PGM2: variants seen among roughly 807,000 people sequenced by gnomAD.
PGM2 encodes phosphoglucomutase 2, also known as phosphopentomutase.
PGM2 carries 57 observed loss-of-function variants against 74.6 expected under a neutral mutation model. The observed-to-expected ratio is 0.76, with a 90% CI of 0.62 to 0.95. PGM2 has a LOEUF of 0.95. Among genes scored for constraint, PGM2 ranks in the 40% least tolerant of loss-of-function variants. The pLI is 0.00. For synonymous variants in PGM2, 273 were observed against 260.7 expected, an observed-to-expected ratio of 1.05 and a Z score of -0.46; for missense variants, 706 against 741.9, an observed-to-expected ratio of 0.95 and a Z score of 0.56.
intron 6 of PGM2, among the ~76,000 whole-genome samples, chr4:37,843,402 C>G (rs1250783361): frequency 6.6e-6 from 1 of 152,100 alleles, no homozygotes; most frequent in African/African-American, 2.4e-5. Context: ...AGACCTTGTT[C>G]ATTTATTCAT....
chr4:37,861,382 CTT>C, intron 13 of PGM2, 126 bp from the exon 14 acceptor site: 1 of 622,008 alleles, frequency 1.6e-6, no homozygotes. Context: ...CTGGAGTTCT[CTT>C]TTTTTTCCTA....
intron 13 of PGM2, among the ~76,000 whole-genome samples, chr4:37,858,468 C>G (rs1279426841): frequency 6.6e-6 from 1 of 150,752 alleles, no homozygotes; most frequent in African/African-American, 2.4e-5. Context: ...TCCTGAGTAG[C>G]TGAGATTACA....
At chr4:37,848,203 A>G (rs1353203979) in intron 10 of PGM2, among the ~76,000 whole-genome samples, 2 of 152,222 alleles carry the variant, frequency 1.3e-5, no homozygotes, top group Non-Finnish European at 2.9e-5. Flanking sequence ...AACAAATACT[A>G]TTGGGATTCA....
At chr4:37,856,181 T>A (rs10023025) in intron 13 of PGM2, among the ~76,000 whole-genome samples, 1 of 151,280 alleles carries the variant, frequency 6.6e-6, no homozygotes, top group Non-Finnish European at 1.5e-5. Context: ...GTCAGGAGAT[T>A]GAGACCATCC....
chr4:37,856,942 T>C (rs1409590204), intron 13 of PGM2, among the ~76,000 whole-genome samples: 1 of 152,184 alleles, frequency 6.6e-6, no homozygotes, highest in African/African-American at 2.4e-5. Flanking sequence ...TGTTTTACAT[T>C]CTTTTTTTTT....
chr4:37,833,291 C>G (rs945929684), intron 2 of PGM2, among the ~76,000 whole-genome samples: 8 of 152,222 alleles, frequency 5.3e-5, no homozygotes, highest in Admixed American at 1.3e-4. Flanking sequence ...CATGGTGGCT[C>G]ATGCCTGTAA....
Position 37,862,412 on chromosome 4 carries a change from A to G in PGM2, c.*800A>G, listed in dbSNP as rs1240993297. ...TCCTGGTTTGGAGGCAGCAAGACCTATGAGCAAGAACTATTTACTTGACCC... is the reference window on the plus strand; with the variant it reads ...TCCTGGTTTGGAGGCAGCAAGACCTGTGAGCAAGAACTATTTACTTGACCC... On this transcript the variant is annotated 3_prime_UTR_variant, in exon 14 of 14. Transcript: ENST00000381967. The G allele has an allele frequency of 2.0e-5, 3 of 152,142 alleles. No individual in the cohort carries two copies. The highest frequency in any genetic ancestry group is 4.8e-5 in the African/African-American group (2 of 41,452). The allele number at this position is 152,142 out of a possible 1,614,324, so 9.4% of individuals were successfully genotyped here.
rs138148768 is a variant in PGM2 at position 37,848,568 on chromosome 4, C to T, written c.1329C>T (p.Ala443=). The change falls in exon 11 of 14, where the codon GCC becomes GCT. Residue 443 remains alanine (A), a synonymous_variant. Coordinates refer to ENST00000381967, the MANE Select transcript of PGM2 (RefSeq NM_018290.4). ...PFVLDKDGVS[A]AVISAELASF... ...TTCTGGACAAAGATGGAGTCAGTGCCGCTGTCATAAGTGCAGAGTTGGCTA... is the reference window on the plus strand; with the variant it reads ...TTCTGGACAAAGATGGAGTCAGTGCTGCTGTCATAAGTGCAGAGTTGGCTA... 10 of 1,613,264 alleles carry T rather than the reference C, an allele frequency of 6.2e-6. No individual in the cohort carries two copies. The highest frequency in any genetic ancestry group is 5.0e-5 in the Admixed American group (3 of 59,996).
intron 4 of PGM2, among the ~76,000 whole-genome samples, chr4:37,839,264 G>A (rs185008885): frequency 3.3e-4 from 50 of 151,750 alleles, no homozygotes; most frequent in South Asian, 8.4e-4. Context: ...GATTACAGGC[G>A]CCCATGCCTG....
Position 37,830,069 on chromosome 4 carries a change from C to G in PGM2, c.187C>G (p.Arg63Gly). The stretch of plus-strand genomic sequence containing the variant: ...AATGGAGTTTGGGACAGCTGGCCTC[C>G]GAGCTGCTATGGGACCTGGAATTTC... ...ARMEFGTAGL[R>G]AAMGPGISRM... Residue 63 changes from arginine (R) to glycine (G), a missense_variant, in exon 2 of 14, where the codon CGA becomes GGA. Coordinates refer to ENST00000381967, the MANE Select transcript of PGM2 (RefSeq NM_018290.4). The G allele has an allele frequency of 6.2e-7, 1 of 1,607,586 alleles. No individual in the cohort carries two copies. Among genetic ancestry groups the G allele is most frequent in the South Asian group, 1.1e-5 (1 of 90,190 alleles).
chr4:37,862,241 A>G lies in PGM2; in HGVS notation c.*629A>G, dbSNP rs1446346427. The G allele has an allele frequency of 6.6e-6, 1 of 152,152 alleles. No individual in the cohort carries two copies. The highest frequency in any genetic ancestry group is 1.5e-5 in the Non-Finnish European group (1 of 68,030). The allele number at this position is 152,152 out of a possible 1,614,324, so 9.4% of individuals were successfully genotyped here. A position where few individuals can be genotyped will look rare whatever the true frequency, so the allele number is the denominator to read the frequency against. ...TAGTACATCGTACACGTGCTAGGAA[A>G]AAACAGCTTCAGTGTCTTTGTTTAA... On this transcript the variant is annotated 3_prime_UTR_variant, in exon 14 of 14. Coordinates refer to ENST00000381967, the MANE Select transcript of PGM2 (RefSeq NM_018290.4).
At chr4:37,858,479 G>A in intron 13 of PGM2, among the ~76,000 whole-genome samples, 1 of 150,750 alleles carries the variant, frequency 6.6e-6, no homozygotes, top group East Asian at 2.0e-4. Context: ...TGAGATTACA[G>A]ATATGCACCA....
intron 13 of PGM2, among the ~76,000 whole-genome samples, chr4:37,858,625 C>T (rs893096974): frequency 9.2e-5 from 14 of 151,674 alleles, no homozygotes; most frequent in Admixed American, 2.6e-4. Flanking sequence ...GTTGGGATTA[C>T]AGGCGTGAGC....
intron 4 of PGM2, among the ~76,000 whole-genome samples, chr4:37,837,987 T>C (rs1241123716): frequency 6.6e-6 from 1 of 152,112 alleles, no homozygotes; most frequent in East Asian, 1.9e-4. Context: ...TTCAAGCAAT[T>C]CTACTACCTC....
intron 1 of PGM2, among the ~76,000 whole-genome samples, chr4:37,828,838 C>T (rs1354493971): frequency 2.6e-5 from 4 of 152,142 alleles, no homozygotes; most frequent in East Asian, 1.9e-4. Flanking sequence ...CTGAGCCTTT[C>T]TTTGGGGCAC....
chr4:37,841,909 G>A (rs1725740792), intron 6 of PGM2, among the ~76,000 whole-genome samples: 2 of 152,180 alleles, frequency 1.3e-5, no homozygotes, highest in African/African-American at 4.8e-5. Context: ...AAAATTGTAT[G>A]TGCATTCACA....
At position 37,837,606 on chromosome 4, in the gene PGM2, C is replaced by T; in HGVS notation, c.434C>T (p.Pro145Leu). The T allele has an allele frequency of 6.2e-7, 1 of 1,601,746 alleles. No individual in the cohort carries two copies. Among genetic ancestry groups the T allele is most frequent in the Non-Finnish European group, 8.6e-7 (1 of 1,168,658 alleles). Reference sequence around the variant, plus strand: ...CTCTTTTCTGATATAACGCCAACCCCCTTTGTGGTAAGTAGCCATTTCCTT... The same window carrying T: ...CTCTTTTCTGATATAACGCCAACCCTCTTTGTGGTAAGTAGCCATTTCCTT... Reference protein sequence around the residue: ...VYLFSDITPTPFVPFTVSHLK... With the variant: ...VYLFSDITPTLFVPFTVSHLK... The change falls in exon 4 of 14, where the codon CCC becomes CTC. Residue 145 changes from proline (P) to leucine (L), a missense_variant. Physicochemically the swap from Pro to Leu is moderately conservative, Grantham distance 98. Coordinates refer to ENST00000381967, the MANE Select transcript of PGM2 (RefSeq NM_018290.4).
intron 13 of PGM2, among the ~76,000 whole-genome samples, chr4:37,861,118 A>T (rs1316487925): frequency 2.0e-5 from 3 of 152,104 alleles, no homozygotes; most frequent in African/African-American, 7.2e-5. Flanking sequence ...GTTAACAGAG[A>T]TGTTGTTTAT....
At chr4:37,852,749 C>T (rs1726087666) in intron 12 of PGM2, among the ~76,000 whole-genome samples, 1 of 152,128 alleles carries the variant, frequency 6.6e-6, no homozygotes, top group Non-Finnish European at 1.5e-5. Flanking sequence ...CCTTTCCATG[C>T]AACTTGTTTT....
Sources: allele counts gnomAD v4.1 joint callset (sites outside exome capture counted in the v4.1 genomes callset), GRCh38; gene constraint gnomAD v4.1.1; transcripts MANE v1.5; gene names NCBI Gene and HGNC (gene_info 2026-07-23, HGNC 2026-07-21).